GSG1L: variants seen among roughly 807,000 people sequenced by gnomAD.
GSG1L encodes the protein GSG1 like.
A neutral mutation model predicts 42.1 loss-of-function variants in GSG1L; 24 were observed. The observed-to-expected ratio is 0.57, with a 90% CI of 0.41 to 0.80. The LOEUF (loss-of-function observed/expected upper bound fraction) is 0.80, where lower values mean the gene tolerates loss of function less well. Ranked by LOEUF, GSG1L falls within the 30% of genes least tolerant of loss-of-function variation. The pLI is 0.00. For synonymous variants in GSG1L, 215 were observed against 203.5 expected, an observed-to-expected ratio of 1.06 and a Z score of -0.48; for missense variants, 445 against 472.2, an observed-to-expected ratio of 0.94 and a Z score of 0.53.
intron 2 of GSG1L, among the ~76,000 whole-genome samples, chr16:27,921,865 G>A (rs1220989327): frequency 6.6e-6 from 1 of 152,188 alleles, no homozygotes; most frequent in Admixed American, 6.5e-5. Flanking sequence ...AAGAGACAGG[G>A]AAAGAGACTG....
chr16:27,967,103 T>A (rs1223473480), intron 1 of GSG1L, among the ~76,000 whole-genome samples: 1 of 152,150 alleles, frequency 6.6e-6, no homozygotes, highest in East Asian at 1.9e-4. Context: ...AAGAGACAGA[T>A]TGGGTCAAAA....
Position 27,788,530 on chromosome 16 carries a change from A to G in GSG1L, c.*2840T>C, listed in dbSNP as rs1597450745. Reference sequence around the variant, plus strand: ...CCTAATTTCCCACAACTGCCTCCTGACCTCCCTGCTCTCCACACCTGCCAT... The same window carrying G: ...CCTAATTTCCCACAACTGCCTCCTGGCCTCCCTGCTCTCCACACCTGCCAT... On this transcript the variant is annotated 3_prime_UTR_variant, in exon 7 of 7. Coordinates refer to ENST00000447459, the MANE Select transcript of GSG1L (RefSeq NM_001109763.2). The G allele has an allele frequency of 6.6e-6, 1 of 151,318 alleles. No individual in the cohort carries two copies. The allele number at this position is 151,318 out of a possible 1,614,324, so 9.4% of individuals were successfully genotyped here.
At chr16:27,935,205 A>G (rs2084700704) in intron 2 of GSG1L, among the ~76,000 whole-genome samples, 1 of 152,176 alleles carries the variant, frequency 6.6e-6, no homozygotes, top group Non-Finnish European at 1.5e-5. Context: ...TAATCCCATC[A>G]GCAAACAGCT....
Position 28,063,175 on chromosome 16 carries a change from C to G in GSG1L, c.250G>C (p.Gly84Arg). ...CCGGTCTCCCAGCTGTAGAGCGCGC[C>G]GCCAGGGGGGCCGTTCCCCGAGGCG... Reference protein sequence around the residue: ...ATASGNGPPGGALYSWETGDD... With the variant: ...ATASGNGPPGRALYSWETGDD... The change falls in exon 1 of 7, where the codon GGC becomes CGC. Residue 84 changes from glycine (G) to arginine (R), a missense_variant. Physicochemically the swap from Gly to Arg is moderately radical, Grantham distance 125. Transcript: ENST00000447459. This position sits in a 1 kb window ranked among gnomAD's most constrained non-coding sequence, Gnocchi z 5.8. 7 of 1,346,788 alleles carry G rather than the reference C, an allele frequency of 5.2e-6. No homozygotes were observed. Among genetic ancestry groups the G allele is most frequent in the Non-Finnish European group, 6.7e-6 (7 of 1,043,746 alleles). 83.4% of individuals were successfully genotyped at this position (1,346,788 alleles called of 1,614,324 possible). A position where few individuals can be genotyped will look rare whatever the true frequency, so the allele number is the denominator to read the frequency against.
At position 27,859,228 on chromosome 16, in the gene GSG1L, G is replaced by A. The variant is rs531078318; in HGVS notation, c.551-14167C>T. Among the ~76,000 whole-genome samples the A allele has an allele frequency of 2.3e-3, 349 of 152,290 alleles. 2 individuals are homozygous for A. Among genetic ancestry groups the A allele is most frequent in the Non-Finnish European group, 4.0e-3 (269 of 68,026 alleles). Reference sequence around the variant, plus strand: ...CTCCTGACTTCTGGCTCTAGGGGGCGCTCATAGAGGGGCCTAGACACTTCC... The same window carrying A: ...CTCCTGACTTCTGGCTCTAGGGGGCACTCATAGAGGGGCCTAGACACTTCC... On this transcript the variant is annotated intron_variant, in intron 3 of 6. Transcript: ENST00000447459.
chr16:27,904,066 G>C (rs183226079), intron 2 of GSG1L, among the ~76,000 whole-genome samples: 4 of 152,110 alleles, frequency 2.6e-5, no homozygotes, highest in African/African-American at 4.8e-5. Context: ...CTGTTCCCCT[G>C]TGTCTCTCCA....
intron 2 of GSG1L, among the ~76,000 whole-genome samples, chr16:27,888,771 C>T (rs1230691635): frequency 6.6e-6 from 1 of 151,646 alleles, no homozygotes; most frequent in African/African-American, 2.4e-5. Context: ...GCACCCACCA[C>T]CATGCCCGGC....
At chr16:28,019,974 C>G (rs1596706239) in intron 1 of GSG1L, among the ~76,000 whole-genome samples, 1 of 152,322 alleles carries the variant, frequency 6.6e-6, no homozygotes, top group Admixed American at 6.5e-5. Context: ...ACTTGGGTCA[C>G]CTGTCTCGCC....
At chr16:27,923,042 C>T (rs1231850543) in intron 2 of GSG1L, among the ~76,000 whole-genome samples, 1 of 152,222 alleles carries the variant, frequency 6.6e-6, no homozygotes, top group Non-Finnish European at 1.5e-5. Flanking sequence ...CCTGCCTTGA[C>T]CTCCCAAAGT....
At chr16:27,955,346 A>G (rs1014834339) in intron 2 of GSG1L, among the ~76,000 whole-genome samples, 2 of 152,138 alleles carry the variant, frequency 1.3e-5, no homozygotes, top group African/African-American at 4.8e-5. Context: ...AGACTGGCTG[A>G]TTGAAATATA....
At chr16:28,014,789 G>A (rs116723533) in intron 1 of GSG1L, among the ~76,000 whole-genome samples, 2,681 of 151,272 alleles carry the variant, frequency 0.018, 83 homozygotes, top group African/African-American at 0.062. Context: ...ATTAACCACC[G>A]TGCCAGCCTC....
At chr16:27,921,360 C>T (rs1209402118) in intron 2 of GSG1L, among the ~76,000 whole-genome samples, 9 of 152,178 alleles carry the variant, frequency 5.9e-5, no homozygotes, top group Non-Finnish European at 1.2e-4. Flanking sequence ...TCCAGCACCA[C>T]GGCCAGTGTC....
intron 1 of GSG1L, among the ~76,000 whole-genome samples, chr16:27,973,439 CA>C (rs71140935): frequency 0.012 from 354 of 29,820 alleles, no homozygotes; most frequent in African/African-American, 0.035. Flanking sequence ...GACCCCATCA[CA>C]AAAAAAAAAA....
intron 1 of GSG1L, among the ~76,000 whole-genome samples, chr16:27,975,259 C>A (rs1326933357): frequency 6.6e-6 from 1 of 152,108 alleles, no homozygotes; most frequent in Non-Finnish European, 1.5e-5. Flanking sequence ...CCTCTTGATT[C>A]CCTGTAGGTG....
chr16:28,037,661 GTAA>G (rs570129578), intron 1 of GSG1L, among the ~76,000 whole-genome samples: 92 of 152,232 alleles, frequency 6.0e-4, no homozygotes, highest in Non-Finnish European at 1.2e-3. Flanking sequence ...CAGCAACAAT[GTAA>G]TAATAATAAT....
At chr16:28,033,102 A>G (rs576964524) in intron 1 of GSG1L, among the ~76,000 whole-genome samples, 1 of 152,290 alleles carries the variant, frequency 6.6e-6, no homozygotes, top group East Asian at 1.9e-4. Flanking sequence ...CTCTCCTTCT[A>G]CAATGGCCCC....
intron 1 of GSG1L, among the ~76,000 whole-genome samples, chr16:28,013,147 C>T (rs145301462): frequency 5.3e-5 from 8 of 151,484 alleles, no homozygotes; most frequent in Admixed American, 2.0e-4. Flanking sequence ...TCGCTTGAAC[C>T]CAGGAGGTGG....
chr16:27,910,581 G>A (rs1170227532), intron 2 of GSG1L, among the ~76,000 whole-genome samples: 1 of 152,198 alleles, frequency 6.6e-6, no homozygotes, highest in Non-Finnish European at 1.5e-5. Context: ...TAGTTCATCA[G>A]TCTTATTGCC....
intron 4 of GSG1L, among the ~76,000 whole-genome samples, chr16:27,839,172 A>T (rs2083351533): frequency 6.6e-6 from 1 of 152,212 alleles, no homozygotes; most frequent in Non-Finnish European, 1.5e-5. Flanking sequence ...AGGGAGGGAC[A>T]GCAGTGAGGC....
Sources: allele counts gnomAD v4.1 joint callset (sites outside exome capture counted in the v4.1 genomes callset), GRCh38; gene constraint gnomAD v4.1.1; non-coding constraint Gnocchi (gnomAD v3.1); transcripts MANE v1.5; gene names NCBI Gene and HGNC (gene_info 2026-07-23, HGNC 2026-07-21).